RPS6KA3: variants seen among roughly 807,000 people sequenced by gnomAD.
RPS6KA3 encodes ribosomal protein S6 kinase alpha-3.
RPS6KA3 carries 4 observed loss-of-function variants against 67.2 expected under a neutral mutation model. The ratio of observed to expected loss-of-function variants is 0.06; its 90% CI spans 0.03 to 0.14. The LOEUF is 0.14. Ranked by LOEUF, RPS6KA3 falls within the 10% of genes least tolerant of loss-of-function variation. The pLI is 1.00. For synonymous variants in RPS6KA3, 182 were observed against 183.7 expected, an observed-to-expected ratio of 0.99 and a Z score of 0.07; for missense variants, 204 against 559.0, an observed-to-expected ratio of 0.36 and a Z score of 6.40.
chrX:20,177,113 T>G (rs1212590832), intron 10 of RPS6KA3, 29 bp from the exon 11 acceptor site: 2 of 1,010,621 alleles, frequency 2.0e-6, no homozygotes, highest in Middle Eastern at 2.8e-4. Flanking sequence ...TAATATTTTA[T>G]TTTTTGGAGG....
intron 19 of RPS6KA3, 80 bp downstream of exon 19, chrX:20,162,884 C>T: frequency 1.4e-6 from 1 of 727,175 alleles, no homozygotes; most frequent in Non-Finnish European, 2.2e-6. Context: ...AAACCCCAAA[C>T]AAAACAAAAA....
At chrX:20,224,904 T>G (rs2069073391) in intron 2 of RPS6KA3, among the ~76,000 whole-genome samples, 1 of 111,740 alleles carries the variant, frequency 8.9e-6, no homozygotes, top group Admixed American at 9.5e-5. Flanking sequence ...CTAGGTGGTA[T>G]CACTTCTCTT....
At chrX:20,191,191 G>C (rs1392183924) in intron 7 of RPS6KA3, among the ~76,000 whole-genome samples, 1 of 111,331 alleles carries the variant, frequency 9.0e-6, no homozygotes, top group Admixed American at 9.6e-5. Context: ...CCCTGCAAAG[G>C]ACATGAACTC....
At chrX:20,165,559 A>G (rs1034433248) in intron 17 of RPS6KA3, among the ~76,000 whole-genome samples, 1 of 111,460 alleles carries the variant, frequency 9.0e-6, no homozygotes, top group African/African-American at 3.3e-5. Context: ...TAGATTAGGT[A>G]ACATCTGATC....
chrX:20,257,481 G>A (rs1215539395), intron 1 of RPS6KA3, among the ~76,000 whole-genome samples: 2 of 112,292 alleles, frequency 1.8e-5, no homozygotes, highest in Middle Eastern at 4.6e-3. Context: ...TAAATGTGCT[G>A]CACACGCCAA....
At chrX:20,163,084 A>G (rs1220415807) in intron 18 of RPS6KA3, 44 bp from the exon 19 acceptor site, 1 of 829,346 alleles carries the variant, frequency 1.2e-6, no homozygotes, top group African/African-American at 2.0e-5. Flanking sequence ...ACCATTTTGT[A>G]TATATATTTG....
intron 1 of RPS6KA3, among the ~76,000 whole-genome samples, chrX:20,264,135 G>T (rs2070310504): frequency 8.9e-6 from 1 of 111,923 alleles, no homozygotes; most frequent in Non-Finnish European, 1.9e-5. Context: ...TGAAATAGCT[G>T]AACAAGCAAA....
At chrX:20,220,499 C>T (rs1281254244) in intron 2 of RPS6KA3, among the ~76,000 whole-genome samples, 2 of 107,337 alleles carry the variant, frequency 1.9e-5, no homozygotes, top group Non-Finnish European at 3.8e-5. Flanking sequence ...TGAGGTGGCT[C>T]TTGAGACTAT....
chrX:20,195,702 T>A (rs755122932), intron 4 of RPS6KA3, among the ~76,000 whole-genome samples: 1 of 111,889 alleles, frequency 8.9e-6, no homozygotes, highest in African/African-American at 3.2e-5. Context: ...TTTTCTGGAG[T>A]TTAGACAGAA....
intron 1 of RPS6KA3, among the ~76,000 whole-genome samples, chrX:20,247,199 G>A (rs903977470): frequency 9.2e-6 from 1 of 108,176 alleles, no homozygotes; most frequent in Non-Finnish European, 1.9e-5. Flanking sequence ...CTTTGGATAG[G>A]TGGATTGCTT....
chrX:20,223,407 C>T (rs1372674922), intron 2 of RPS6KA3, among the ~76,000 whole-genome samples: 2 of 110,853 alleles, frequency 1.8e-5, no homozygotes, highest in South Asian at 3.7e-4. Flanking sequence ...TAAGGGTGGA[C>T]GGAAAGTGTG....
intron 2 of RPS6KA3, among the ~76,000 whole-genome samples, chrX:20,210,378 CG>C (rs1410206178): frequency 9.0e-6 from 1 of 111,440 alleles, no homozygotes; most frequent in Non-Finnish European, 1.9e-5. Context: ...TTTCTAGGTG[CG>C]TAAGTACTGT....
At chrX:20,163,341 A>G (rs975951563) in intron 18 of RPS6KA3, among the ~76,000 whole-genome samples, 3 of 111,225 alleles carry the variant, frequency 2.7e-5, no homozygotes, top group African/African-American at 9.8e-5. Flanking sequence ...GGCTACAGAA[A>G]TATTTACAAA....
intron 16 of RPS6KA3, among the ~76,000 whole-genome samples, chrX:20,168,523 T>C (rs917447293): frequency 3.6e-5 from 4 of 111,718 alleles, no homozygotes; most frequent in African/African-American, 1.3e-4. Context: ...CTGGGGACTT[T>C]AGACTGTAGG....
intron 20 of RPS6KA3, among the ~76,000 whole-genome samples, chrX:20,159,851 T>G (rs764534842): frequency 3.0e-4 from 33 of 111,657 alleles, no homozygotes; most frequent in Non-Finnish European, 5.1e-4. Context: ...ATCACTGCAC[T>G]CCTTAATATG....
intron 3 of RPS6KA3, among the ~76,000 whole-genome samples, chrX:20,206,590 T>C (rs2068577540): frequency 8.9e-6 from 1 of 112,373 alleles, no homozygotes; most frequent in Admixed American, 9.5e-5. Flanking sequence ...GGCATGACCC[T>C]TCCTTCACTC....
intron 2 of RPS6KA3, among the ~76,000 whole-genome samples, chrX:20,211,287 C>T (rs1251834601): frequency 9.0e-6 from 1 of 111,461 alleles, no homozygotes; most frequent in Non-Finnish European, 1.9e-5. Flanking sequence ...TAAAAACAAA[C>T]TGGTCTGAAT....
At chrX:20,156,300 T>A in intron 20 of RPS6KA3, 51 bp from the exon 21 acceptor site, 1 of 1,119,200 alleles carries the variant, frequency 8.9e-7, no homozygotes, top group Non-Finnish European at 1.2e-6. Context: ...TGCTTCTTTT[T>A]CTATGGCTCT....
intron 2 of RPS6KA3, among the ~76,000 whole-genome samples, chrX:20,225,477 G>A (rs1475616462): frequency 9.1e-6 from 1 of 110,159 alleles, no homozygotes; most frequent in Non-Finnish European, 1.9e-5. Flanking sequence ...AATCTACTAG[G>A]GTATTTTCCC....
Sources: gnomAD v4.1 joint callset for allele counts (sites outside exome capture counted in the v4.1 genomes callset) on GRCh38, gnomAD v4.1.1 for gene constraint, MANE v1.5 for transcripts, NCBI Gene and HGNC (gene_info 2026-07-23, HGNC 2026-07-21) for gene names.